Variants in PFKM observed in about 807,000 individuals in gnomAD.
PFKM encodes the protein ATP-dependent 6-phosphofructokinase, muscle type.
PFKM carries 58 observed loss-of-function variants against 95.5 expected under a neutral mutation model. The observed-to-expected ratio is 0.61, with a 90% CI of 0.49 to 0.76. The LOEUF (loss-of-function observed/expected upper bound fraction) is 0.76, where lower values mean the gene tolerates loss of function less well. Ranked by LOEUF, PFKM falls within the 30% of genes least tolerant of loss-of-function variation. The pLI is 0.00. For missense variants in PFKM, 678 were observed against 1,005.4 expected (o/e 0.67, Z 4.40); for synonymous variants, 336 against 357.2 (o/e 0.94, Z 0.67).
chr12:48,107,444 C>T, exon 2 of PFKM: 1 of 1,593,270 alleles, frequency 6.3e-7, no homozygotes, highest in South Asian at 1.1e-5. Context: ...GTCAGGACTC[C>T]TCAGAGAACA....
chr12:48,122,461 A>G, intron 1 of PFKM: 1 of 596,032 alleles, frequency 1.7e-6, no homozygotes, highest in South Asian at 3.1e-5. Flanking sequence ...ATTTCTATTC[A>G]GTCAACTTCT....
chr12:48,135,470 G>A (rs867852266), intron 10 of PFKM, 87 bp downstream of exon 10: 3 of 936,128 alleles, frequency 3.2e-6, no homozygotes, highest in Middle Eastern at 2.4e-4. Context: ...CACCAGACAG[G>A]GACTTACATC....
At chr12:48,142,737 G>A (rs1299408260) in intron 17 of PFKM, 45 bp from the exon 18 acceptor site, 12 of 1,549,668 alleles carry the variant, frequency 7.7e-6, no homozygotes, top group Non-Finnish European at 1.1e-5. Flanking sequence ...ATAAGAATCA[G>A]GCCCCTGATC....
intron 1 of PFKM, chr12:48,107,289 A>G (rs1365500796): frequency 5.7e-6 from 5 of 884,224 alleles, no homozygotes; most frequent in African/African-American, 3.3e-5. Context: ...TCATGAGTGT[A>G]GCTGGTCCAT....
upstream of PFKM, chr12:48,118,403 G>A: frequency 2.7e-6 from 2 of 746,164 alleles, no homozygotes; most frequent in South Asian, 1.5e-5. Context: ...GGTATAATTT[G>A]GAGAACAAAT....
chr12:48,130,646 T>G (rs73104074), intron 3 of PFKM, among the ~76,000 whole-genome samples: 1 of 152,358 alleles, frequency 6.6e-6, no homozygotes, highest in Non-Finnish European at 1.5e-5. Context: ...TGGGTCTTCA[T>G]GTTGCCTGTT....
At chr12:48,118,413 T>C, upstream of PFKM, 1 of 799,198 alleles carries the variant, frequency 1.3e-6, no homozygotes, top group Non-Finnish European at 2.1e-6. Flanking sequence ...GGAGAACAAA[T>C]GCTTTTATTT....
chr12:48,141,623 A>C (rs1950582043), intron 15 of PFKM, 117 bp from the exon 16 acceptor site: 2 of 876,798 alleles, frequency 2.3e-6, no homozygotes, highest in Non-Finnish European at 1.9e-6. Context: ...AGGGCGGCAC[A>C]GGTCAAGAAA....
intron 1 of PFKM, among the ~76,000 whole-genome samples, chr12:48,121,024 G>A (rs1349862034): frequency 6.6e-6 from 1 of 152,214 alleles, no homozygotes; most frequent in Admixed American, 6.5e-5. Context: ...GGTGGTGCAT[G>A]TCTGTAATCC....
intron 1 of PFKM, chr12:48,106,484 G>C (rs1233260166): frequency 1.2e-5 from 4 of 327,292 alleles, no homozygotes; most frequent in African/African-American, 6.6e-5. Flanking sequence ...ATAGGGACCT[G>C]AGATCTAAAT....
At chr12:48,119,448 G>A in intron 1 of PFKM, 42 bp downstream of exon 1, 1 of 981,892 alleles carries the variant, frequency 1.0e-6, no homozygotes, top group Non-Finnish European at 1.2e-6. Flanking sequence ...GGAGAGCTGG[G>A]AGTGAGGTGG....
At chr12:48,127,709 T>C (rs957098676) in intron 2 of PFKM, among the ~76,000 whole-genome samples, 7 of 152,224 alleles carry the variant, frequency 4.6e-5, no homozygotes, top group African/African-American at 1.2e-4. Context: ...GCCAGAGTTA[T>C]CTTTCTGAGA....
At chr12:48,122,670 T>C in intron 1 of PFKM, 97 bp from the exon 2 acceptor site, 1 of 1,579,898 alleles carries the variant, frequency 6.3e-7, no homozygotes, top group Non-Finnish European at 8.6e-7. Context: ...TGGGAGAGCC[T>C]GACTGAGGTG....
At chr12:48,110,321 A>T (rs182981469) in intron 3 of PFKM, among the ~76,000 whole-genome samples, 1 of 152,202 alleles carries the variant, frequency 6.6e-6, no homozygotes, top group African/African-American at 2.4e-5. Flanking sequence ...AGTGCCTTCT[A>T]GGTCTTATGG....
At position 48,130,449 on chromosome 12, in the gene PFKM, C is replaced by A; in HGVS notation, c.159+13C>A. The A allele has an allele frequency of 6.3e-7, 1 of 1,588,406 alleles. No homozygotes were observed. Among genetic ancestry groups the A allele is most frequent in the Non-Finnish European group, 8.6e-7 (1 of 1,156,414 alleles). On this transcript the variant is annotated intron_variant, in intron 3 of 22. Transcript: ENST00000359794. ...CTTTGTCCATGAGGTTGGTTCTGTA[C>A]TTTGTTCTTCATCATTCTTTCTCTG... is the stretch of plus-strand genomic sequence containing the variant.
chr12:48,109,591 C>T (rs1263482987), intron 3 of PFKM, among the ~76,000 whole-genome samples: 1 of 152,158 alleles, frequency 6.6e-6, no homozygotes, highest in Non-Finnish European at 1.5e-5. Flanking sequence ...CCTCAGACTC[C>T]CTTTGCTCTG....
chr12:48,110,160 A>G (rs755579730), intron 3 of PFKM, among the ~76,000 whole-genome samples: 4 of 152,200 alleles, frequency 2.6e-5, no homozygotes, highest in Non-Finnish European at 5.9e-5. Context: ...AGGGATGAGT[A>G]TGCATTAGCC....
intron 5 of PFKM, 56 bp downstream of exon 5, chr12:48,133,113 A>G: frequency 6.9e-7 from 1 of 1,449,564 alleles, no homozygotes; most frequent in Non-Finnish European, 9.7e-7. Context: ...GCACGCGTGT[A>G]CACACACACA....
intron 2 of PFKM, among the ~76,000 whole-genome samples, chr12:48,126,246 A>G (rs1948822847): frequency 6.6e-6 from 1 of 152,246 alleles, no homozygotes; most frequent in South Asian, 2.1e-4. Context: ...GCTTGGGGCC[A>G]GACTAAGCTA....
Sources: gnomAD v4.1 joint callset for allele counts (sites outside exome capture counted in the v4.1 genomes callset) on GRCh38, gnomAD v4.1.1 for gene constraint, MANE v1.5 for transcripts, NCBI Gene and HGNC (gene_info 2026-07-23, HGNC 2026-07-21) for gene names.